The following PDE9A variants were observed in gnomAD, a reference collection of about 807,000 sequenced individuals.
PDE9A encodes phosphodiesterase 9A, also known as high affinity cGMP-specific 3',5'-cyclic phosphodiesterase 9A.
Under a neutral mutation model 87.4 loss-of-function variants are expected in PDE9A, and 60 were observed. The observed-to-expected ratio is 0.69, with a 90% confidence interval of 0.56 to 0.85. The LOEUF is 0.85. Among genes scored for constraint, PDE9A ranks in the 40% least tolerant of loss-of-function variants. PDE9A has a pLI of 0.00. For missense variants in PDE9A, 665 were observed against 779.0 expected (o/e 0.85, Z 1.74); for synonymous variants, 272 against 279.4 (o/e 0.97, Z 0.27).
At chr21:42,744,174 G>GA (rs1402100775) in intron 8 of PDE9A, among the ~76,000 whole-genome samples, 1 of 152,194 alleles carries the variant, frequency 6.6e-6, no homozygotes, top group Non-Finnish European at 1.5e-5. Flanking sequence ...CCAACATGGT[G>GA]AAACCCCGTC....
intron 7 of PDE9A, chr21:42,741,339 C>A (rs1371136593): frequency 2.0e-5 from 3 of 152,206 alleles, no homozygotes; most frequent in African/African-American, 7.2e-5. Context: ...CATGCATCAG[C>A]TTCCTTGAGG....
chr21:42,700,686 C>CTACACAGATA (rs1470582789), intron 4 of PDE9A: 1 of 152,208 alleles, frequency 6.6e-6, no homozygotes, highest in Non-Finnish European at 1.5e-5. Context: ...TTCGTTTTCT[C>CTACACAGATA]TACACAGATA....
chr21:42,653,804 C>T lies in PDE9A; in HGVS notation c.-11C>T. ...ACAGTAAAAAGTCCGAGTGCAGCCG[C>T]CGGGCGCAGGATGGGATCCGGCTCC... On this transcript the variant is annotated 5_prime_UTR_variant, in exon 1 of 20. Coordinates refer to ENST00000291539, the MANE Select transcript of PDE9A (RefSeq NM_002606.3). 1 of 1,538,412 alleles carries T rather than the reference C, an allele frequency of 6.5e-7. No homozygotes were observed. The highest frequency in any genetic ancestry group is 8.7e-7 in the Non-Finnish European group (1 of 1,143,038).
intron 1 of PDE9A, among the ~76,000 whole-genome samples, chr21:42,667,399 GT>G (rs1201150012): frequency 6.6e-6 from 1 of 152,062 alleles, no homozygotes; most frequent in African/African-American, 2.4e-5. Context: ...ATGGGGCACA[GT>G]TTTTTTTAAA....
intron 4 of PDE9A, chr21:42,724,632 G>A (rs182549121): frequency 9.5e-5 from 93 of 979,092 alleles, no homozygotes; most frequent in South Asian, 1.9e-4. Flanking sequence ...ATATTCCATC[G>A]GTGTAAGTAC....
chr21:42,722,089 C>G lies in PDE9A; in HGVS notation c.263-9681C>G, dbSNP rs1321444557. ...CTCCCTGGTTCAAGTGATTCTCCTG[C>G]CTCAGCCTCCCGAGTAGCTGGGATT... On this transcript the variant is annotated intron_variant, in intron 4 of 19. Coordinates refer to ENST00000291539, the MANE Select transcript of PDE9A (RefSeq NM_002606.3). The surrounding 1 kb of genome is among the most constrained non-coding windows in gnomAD (Gnocchi z 4.1). 6.6e-6 allele frequency among the ~76,000 whole-genome samples: 1 copy of G among 152,012 alleles called. No individual in the cohort carries two copies. The highest frequency in any genetic ancestry group is 1.5e-5 in the Non-Finnish European group (1 of 68,012).
At chr21:42,773,615 C>T (rs2147245673) in intron 19 of PDE9A, among the ~76,000 whole-genome samples, 1 of 152,028 alleles carries the variant, frequency 6.6e-6, no homozygotes, top group South Asian at 2.1e-4. Context: ...TCCTGGCTAA[C>T]ACGGTGAAAC....
At chr21:42,725,617 G>A (rs1244990525) in intron 4 of PDE9A, among the ~76,000 whole-genome samples, 2 of 152,110 alleles carry the variant, frequency 1.3e-5, no homozygotes, top group African/African-American at 2.4e-5. Context: ...CTTTGGGATT[G>A]GCGCCTTCCA....
intron 4 of PDE9A, among the ~76,000 whole-genome samples, chr21:42,701,931 C>T (rs566857347): frequency 6.6e-6 from 1 of 152,242 alleles, no homozygotes; most frequent in East Asian, 1.9e-4. Context: ...TTCTTTATCA[C>T]TGGTTTGCAG....
intron 4 of PDE9A, among the ~76,000 whole-genome samples, chr21:42,726,620 A>ATTTTTTTTTTTTTT (rs1246828424): frequency 2.9e-4 from 7 of 24,240 alleles, no homozygotes; most frequent in African/African-American, 1.5e-3. Flanking sequence ...ATATATATAT[A>ATTTTTTTTTTTTTT]TATATTTTTT....
chr21:42,767,229 C>T (rs1256273497), intron 15 of PDE9A, among the ~76,000 whole-genome samples: 4 of 152,080 alleles, frequency 2.6e-5, no homozygotes, highest in Non-Finnish European at 5.9e-5. Context: ...TGCGGGCCAG[C>T]GTGGGAGGTG....
At chr21:42,710,706 G>C (rs2049252638) in intron 4 of PDE9A, among the ~76,000 whole-genome samples, 1 of 152,178 alleles carries the variant, frequency 6.6e-6, no homozygotes. Context: ...ACTTTGCTCA[G>C]GCCAGGTCCG....
intron 4 of PDE9A, among the ~76,000 whole-genome samples, chr21:42,708,093 T>C (rs2048989606): frequency 6.6e-6 from 1 of 152,212 alleles, no homozygotes; most frequent in Admixed American, 6.5e-5. Context: ...TAATGCTCCT[T>C]AATAATATTG....
intron 8 of PDE9A, among the ~76,000 whole-genome samples, chr21:42,750,732 C>T (rs1015953700): frequency 6.6e-6 from 1 of 152,066 alleles, no homozygotes; most frequent in African/African-American, 2.4e-5. Context: ...CACGCCACCA[C>T]GCCCAGCTAA....
At chr21:42,681,287 C>T (rs2059150709) in intron 1 of PDE9A, among the ~76,000 whole-genome samples, 1 of 152,250 alleles carries the variant, frequency 6.6e-6, no homozygotes, top group South Asian at 2.1e-4. Flanking sequence ...TCCACTGCTC[C>T]TTCCATTACG....
At chr21:42,676,038 C>T (rs958467330) in intron 1 of PDE9A, among the ~76,000 whole-genome samples, 1 of 152,102 alleles carries the variant, frequency 6.6e-6, no homozygotes, top group African/African-American at 2.4e-5. Context: ...AAGGCATCTC[C>T]TCTCTCTCCC....
At position 42,698,998 on chromosome 21, in the gene PDE9A, C is replaced by A. The variant is rs1280468104; in HGVS notation, c.249C>A (p.Ile83=). The part of the protein sequence containing the change: ...RTPYKVRPVA[I]KQLSAGVEDK... ...CGTACAAAGTGAGACCTGTGGCCAT[C>A]AAGCAACTCTCCGGTAAGGCCCTGC... The change falls in exon 4 of 20, where the codon ATC becomes ATA. Residue 83 remains isoleucine, a synonymous_variant. Coordinates refer to ENST00000291539, the MANE Select transcript of PDE9A (RefSeq NM_002606.3). 2 of 1,612,006 alleles carry A rather than the reference C, an allele frequency of 1.2e-6. No individual in the cohort carries two copies. The highest frequency in any genetic ancestry group is 2.2e-5 in the South Asian group (2 of 91,022).
At position 42,760,935 on chromosome 21, in the gene PDE9A, C is replaced by T. The variant is rs775242625; in HGVS notation, c.1085+28C>T. 2.0e-6 allele frequency: 3 copies of T among 1,483,472 alleles called. No homozygotes were observed. In the South Asian group the frequency reaches 3.4e-5, roughly 17 times the overall value. 91.9% of individuals were successfully genotyped at this position (1,483,472 alleles called of 1,614,324 possible). On this transcript the variant is annotated intron_variant, in intron 13 of 19. Coordinates refer to ENST00000291539, the MANE Select transcript of PDE9A (RefSeq NM_002606.3). The surrounding 1 kb of genome is among the most constrained non-coding windows in gnomAD (Gnocchi z 5.2). The stretch of plus-strand genomic sequence containing the variant: ...ATGTACAGGATTTTCTCTTTTTTTC[C>T]TTTTAAAAGGCACCCTGGCTACTGG...
chr21:42,686,135 C>A, intron 1 of PDE9A, 57 bp from the exon 2 acceptor site: 1 of 1,321,988 alleles, frequency 7.6e-7, no homozygotes, highest in Non-Finnish European at 1.1e-6. Context: ...TGGCGTCTGA[C>A]GTCTCCAGGG....
Sources: allele counts gnomAD v4.1 joint callset (sites outside exome capture counted in the v4.1 genomes callset), GRCh38; gene constraint gnomAD v4.1.1; non-coding constraint Gnocchi (gnomAD v3.1); transcripts MANE v1.5; gene names NCBI Gene and HGNC (gene_info 2026-07-23, HGNC 2026-07-21).